Variants in BBOX1 observed in about 807,000 individuals in gnomAD.
The protein encoded by BBOX1 is gamma-butyrobetaine hydroxylase 1.
Under a neutral mutation model 41.6 loss-of-function variants are expected in BBOX1, and 35 were observed. The observed-to-expected ratio is 0.84, with a 90% confidence interval of 0.64 to 1.11. The LOEUF (loss-of-function observed/expected upper bound fraction) is 1.11, where lower values mean the gene tolerates loss of function less well. Among genes scored for constraint, BBOX1 ranks in the 50% most tolerant of loss-of-function variants. BBOX1 has a pLI of 0.00. For synonymous variants in BBOX1, 163 were observed against 154.7 expected, an observed-to-expected ratio of 1.05 and a Z score of -0.40; for missense variants, 458 against 460.6, an observed-to-expected ratio of 0.99 and a Z score of 0.05.
chr11:27,119,483 A>T (rs1027098292), intron 6 of BBOX1, among the ~76,000 whole-genome samples, 166 bp from the exon 7 acceptor site: 7 of 152,092 alleles, frequency 4.6e-5, no homozygotes, highest in African/African-American at 1.7e-4. Flanking sequence ...CAAAAAAAAA[A>T]GTTTATTGGC....
At chr11:27,096,158 T>C (rs1858431660) in intron 5 of BBOX1, among the ~76,000 whole-genome samples, 1 of 151,984 alleles carries the variant, frequency 6.6e-6, no homozygotes, top group African/African-American at 2.4e-5. Context: ...GGGTGCTTTA[T>C]ATCATCTGAA....
chr11:27,059,311 G>A (rs542368678), intron 4 of BBOX1, among the ~76,000 whole-genome samples: 11 of 152,342 alleles, frequency 7.2e-5, no homozygotes, highest in African/African-American at 2.2e-4. Context: ...CTTGATGTTC[G>A]CTGTCTAGAT....
At chr11:27,050,659 A>G (rs893825563) in intron 2 of BBOX1, among the ~76,000 whole-genome samples, 9 of 152,174 alleles carry the variant, frequency 5.9e-5, no homozygotes, top group African/African-American at 1.9e-4. Flanking sequence ...GTTATTATAC[A>G]TAAATGCTAC....
intron 4 of BBOX1, among the ~76,000 whole-genome samples, chr11:27,071,893 A>G (rs1283746310): frequency 1.3e-5 from 2 of 152,178 alleles, no homozygotes; most frequent in Non-Finnish European, 2.9e-5. Flanking sequence ...AAAACTCTCA[A>G]TAAATTAGGT....
chr11:27,086,609 T>C (rs1858049510), intron 4 of BBOX1, among the ~76,000 whole-genome samples: 2 of 152,166 alleles, frequency 1.3e-5, no homozygotes, highest in South Asian at 4.1e-4. Flanking sequence ...AGGAGATTGA[T>C]GCTGTTTTTA....
rs191185723 is a variant in BBOX1 at position 27,060,733 on chromosome 11, C to T, written c.334+3418C>T. ...TAGAGCATGATACTGTCCCCTTTCT[C>T]TTTAAGCATAGACCAGCCATGTCAA... On this transcript the variant is annotated intron_variant, in intron 4 of 8. Transcript: ENST00000263182. 2.6e-3 allele frequency among the ~76,000 whole-genome samples: 389 copies of T among 152,322 alleles called. 6 individuals carry two copies. The highest frequency in any genetic ancestry group is 8.9e-3 in the African/African-American group (370 of 41,584).
chr11:27,117,154 T>G (rs531732127), intron 6 of BBOX1, among the ~76,000 whole-genome samples: 7 of 152,132 alleles, frequency 4.6e-5, no homozygotes, highest in Admixed American at 3.3e-4. Flanking sequence ...AATTAGACTA[T>G]GTGAAATAAC....
chr11:27,042,111 G>T (rs946988841), intron 2 of BBOX1, among the ~76,000 whole-genome samples: 8 of 152,044 alleles, frequency 5.3e-5, no homozygotes, highest in African/African-American at 1.9e-4. Context: ...TATATGTTCT[G>T]GTTTAAATAA....
At chr11:27,058,791 G>A (rs1368535304) in intron 4 of BBOX1, among the ~76,000 whole-genome samples, 1 of 152,122 alleles carries the variant, frequency 6.6e-6, no homozygotes, top group Non-Finnish European at 1.5e-5. Context: ...GAAGTAACAT[G>A]ACTGCTTCTA....
At chr11:27,081,209 T>A (rs527427781) in intron 4 of BBOX1, among the ~76,000 whole-genome samples, 1 of 152,132 alleles carries the variant, frequency 6.6e-6, no homozygotes, top group African/African-American at 2.4e-5. Context: ...ATAAAGTACA[T>A]GAATCCAGGA....
intron 8 of BBOX1, among the ~76,000 whole-genome samples, chr11:27,126,185 T>C (rs893177422): frequency 2.6e-4 from 39 of 152,282 alleles, no homozygotes; most frequent in Middle Eastern, 3.4e-3. Context: ...TTCTGGACCA[T>C]CTCTACTCAG....
chr11:27,110,757 T>C (rs1332881627), intron 5 of BBOX1, among the ~76,000 whole-genome samples: 1 of 151,982 alleles, frequency 6.6e-6, no homozygotes, highest in African/African-American at 2.4e-5. Context: ...ATTACTATTT[T>C]GTCTTTTTGT....
At chr11:27,070,086 T>C (rs1163445963) in intron 4 of BBOX1, among the ~76,000 whole-genome samples, 2 of 152,158 alleles carry the variant, frequency 1.3e-5, no homozygotes, top group African/African-American at 4.8e-5. Context: ...AGGGTTCCTT[T>C]TGGAGTTAAT....
rs547487302 is a variant in BBOX1 at position 27,072,078 on chromosome 11, G to T, written c.334+14763G>T. 7.2e-5 allele frequency among the ~76,000 whole-genome samples: 11 copies of T among 152,116 alleles called. No homozygotes were observed. In the South Asian group the frequency reaches 2.1e-3, roughly 29 times the overall value. On this transcript the variant is annotated intron_variant, in intron 4 of 8. Coordinates refer to ENST00000263182, the MANE Select transcript of BBOX1 (RefSeq NM_003986.3). ...TGTTGGAAGTTCTGGCCAGGGCATC[G>T]GTCAAGAGAAAGAAATAAAGGGTAT...
intron 4 of BBOX1, among the ~76,000 whole-genome samples, chr11:27,082,271 G>A (rs1857869321): frequency 6.6e-6 from 1 of 152,084 alleles, no homozygotes; most frequent in African/African-American, 2.4e-5. Context: ...CACAGAATTA[G>A]GGTTTAAAAG....
chr11:27,099,797 A>C (rs1011922446), intron 5 of BBOX1, among the ~76,000 whole-genome samples: 2 of 152,088 alleles, frequency 1.3e-5, no homozygotes, highest in Admixed American at 1.3e-4. Flanking sequence ...GGGGTGTTTT[A>C]ATACCTGCTA....
At chr11:27,072,015 A>G (rs867059719) in intron 4 of BBOX1, among the ~76,000 whole-genome samples, 8 of 152,266 alleles carry the variant, frequency 5.3e-5, no homozygotes, top group South Asian at 2.1e-4. Context: ...TGGTCACAAG[A>G]CAAGGATGCC....
intron 5 of BBOX1, among the ~76,000 whole-genome samples, chr11:27,105,555 A>C (rs1378456944): frequency 6.6e-6 from 1 of 152,160 alleles, no homozygotes; most frequent in East Asian, 1.9e-4. Flanking sequence ...AAAGAGTAAA[A>C]AGAAACTATC....
intron 5 of BBOX1, among the ~76,000 whole-genome samples, chr11:27,114,420 T>G (rs1117933): frequency 0.95 from 143,743 of 151,730 alleles, 68,218 homozygotes; most frequent in African/African-American, 0.98. Flanking sequence ...GAAATTGTGA[T>G]GGCCTCCAAG....
Sources: gnomAD v4.1 joint callset for allele counts (sites outside exome capture counted in the v4.1 genomes callset) on GRCh38, gnomAD v4.1.1 for gene constraint, MANE v1.5 for transcripts, NCBI Gene and HGNC (gene_info 2026-07-23, HGNC 2026-07-21) for gene names.